Variants in PHYKPL observed in about 807,000 individuals in gnomAD.
PHYKPL encodes 5-phosphonooxy-L-lysine phospho-lyase.
In PHYKPL, 42 loss-of-function variants were observed where a neutral mutation model predicts 51.3. That is an observed-to-expected ratio of 0.82 (90% CI 0.64 to 1.06). PHYKPL has a LOEUF of 1.06. PHYKPL is among the 50% of genes least tolerant of loss of function. PHYKPL has a pLI of 0.00. For missense variants in PHYKPL, 655 were observed against 586.6 expected, an observed-to-expected ratio of 1.12 and a Z score of -1.20; for synonymous variants, 264 against 236.0, an observed-to-expected ratio of 1.12 and a Z score of -1.09.
rs537679078 is a variant in PHYKPL at position 178,231,046 on chromosome 5, T to C, written c.178+359A>G. The C allele has an allele frequency of 6.0e-4, 121 of 201,584 alleles. 1 individual carries two copies. Among genetic ancestry groups the C allele is most frequent in the African/African-American group, 2.7e-3 (115 of 43,228 alleles). 12.5% of individuals were successfully genotyped at this position (201,584 alleles called of 1,614,324 possible). A position where few individuals can be genotyped will look rare whatever the true frequency, so the allele number is the denominator to read the frequency against. ...TGACTGAATTCCTACTTCAGCTCCC[T>C]TGCCTAGCACCTGAGATGGCCAATG... On this transcript the variant is annotated intron_variant, in intron 2 of 12. Coordinates refer to ENST00000308158, the MANE Select transcript of PHYKPL (RefSeq NM_153373.4).
At chr5:178,213,212 C>T in intron 10 of PHYKPL, 109 bp from the exon 11 acceptor site, 1 of 1,412,068 alleles carries the variant, frequency 7.1e-7, no homozygotes, top group Non-Finnish European at 9.6e-7. Flanking sequence ...TTCCATGGGC[C>T]AGTTCCTGCC....
intron 12 of PHYKPL, chr5:178,210,078 G>C: frequency 1.2e-6 from 2 of 1,601,136 alleles, no homozygotes; most frequent in Non-Finnish European, 1.7e-6. Context: ...CTCCATCCTA[G>C]CTCCTGCGTA....
rs751099923 is a variant in PHYKPL, at chr5:178,225,338, C to T, written c.413+17G>A. 6.2e-7 allele frequency: 1 copy of T among 1,613,938 alleles called. No individual in the cohort carries two copies. Among genetic ancestry groups the T allele is most frequent in the Non-Finnish European group, 8.5e-7 (1 of 1,179,970 alleles). ...GGCCAGGCTTCTGGGAACGGTAGGGCTGTGAGTTGCACTTACTGATCTAAT... is the reference window on the plus strand; with the variant it reads ...GGCCAGGCTTCTGGGAACGGTAGGGTTGTGAGTTGCACTTACTGATCTAAT... On this transcript the variant is annotated intron_variant, in intron 4 of 12. Transcript: ENST00000308158.
intron 2 of PHYKPL, chr5:178,230,325 A>C (rs2127495461): frequency 5.5e-6 from 3 of 540,830 alleles, no homozygotes; most frequent in South Asian, 2.4e-5. Context: ...CAGCAGAAGA[A>C]CCCTGTCTAG....
intron 4 of PHYKPL, 63 bp downstream of exon 4, chr5:178,225,292 C>G: frequency 6.3e-7 from 1 of 1,588,362 alleles, no homozygotes; most frequent in Non-Finnish European, 8.6e-7. Context: ...GTCAGTCTCA[C>G]GGATCACCAA....
At chr5:178,228,180 G>C (rs1381087063) in intron 3 of PHYKPL, 1 of 267,500 alleles carries the variant, frequency 3.7e-6, no homozygotes, top group Non-Finnish European at 7.1e-6. Flanking sequence ...AATACCAAGA[G>C]AATGGAAGAG....
intron 12 of PHYKPL, chr5:178,210,820 C>G: frequency 1.7e-6 from 1 of 602,856 alleles, no homozygotes; most frequent in South Asian, 1.9e-5. Flanking sequence ...CGTGTGGTGT[C>G]TGAGAGGCCA....
intron 10 of PHYKPL, among the ~76,000 whole-genome samples, chr5:178,213,993 ACCATT>A (rs2113732862): frequency 6.6e-6 from 1 of 152,182 alleles, no homozygotes; most frequent in East Asian, 1.9e-4. Flanking sequence ...ATGCCACCTG[ACCATT>A]CCGAATCCCT....
At chr5:178,213,333 C>G (rs546965217) in intron 10 of PHYKPL, among the ~76,000 whole-genome samples, 1 of 152,226 alleles carries the variant, frequency 6.6e-6, no homozygotes, top group Non-Finnish European at 1.5e-5. Context: ...GAACAGGCAC[C>G]TTGCCTCACC....
rs763837709 is a variant in PHYKPL at position 178,224,720 on chromosome 5, G to A, written c.423C>T (p.His141=). 188 of 1,613,732 alleles carry A rather than the reference G, an allele frequency of 1.2e-4. No individual in the cohort carries two copies. The East Asian group carries it at 3.8e-3, about 33-fold the overall frequency. ...TGTCAATCAGGGAGCTCAGGTGGCC[G>A]TGATACGCACTGGGGAGGAGAAGGG... ...QDVVVLDHAY[H]GHLSSLIDIS... The change falls in exon 5 of 13, where the codon CAC becomes CAT. Residue 141 remains histidine, a synonymous_variant. Coordinates refer to ENST00000308158, the MANE Select transcript of PHYKPL (RefSeq NM_153373.4).
chr5:178,228,348 G>C (rs531803215), intron 3 of PHYKPL: 7 of 581,910 alleles, frequency 1.2e-5, no homozygotes, highest in Non-Finnish European at 2.1e-5. Context: ...GACCACTTCC[G>C]GAGAGTGGTA....
At chr5:178,214,920 G>C (rs371759235) in intron 9 of PHYKPL, 35 bp from the exon 10 acceptor site, 14 of 1,593,674 alleles carry the variant, frequency 8.8e-6, no homozygotes, top group African/African-American at 4.0e-5. Context: ...CAGGAGGCCA[G>C]GCCTGAGGGG....
chr5:178,230,039 G>A lies in PHYKPL; in HGVS notation c.239C>T (p.Thr80Ile). Reference protein sequence around the residue: ...AAHEQNQVLNTNSRYLHDNIV... With the variant: ...AAHEQNQVLNINSRYLHDNIV... ...GTTGTCATGCAGGTACCGGCTGTTG[G>A]TGTTGAGCACCTGGTTCTGCTCATG... The change falls in exon 3 of 13, where the codon ACC becomes ATC. Residue 80 changes from threonine (T) to isoleucine (I), a missense_variant. Physicochemically the swap from Thr to Ile is moderately conservative, Grantham distance 89 (BLOSUM62 -1). Coordinates refer to ENST00000308158, the MANE Select transcript of PHYKPL (RefSeq NM_153373.4). 1 of 1,614,190 alleles carries A rather than the reference G, an allele frequency of 6.2e-7. No homozygotes were observed. The highest frequency in any genetic ancestry group is 8.5e-7 in the Non-Finnish European group (1 of 1,180,046).
intron 6 of PHYKPL, chr5:178,223,685 C>T: frequency 5.7e-6 from 2 of 348,074 alleles, no homozygotes; most frequent in Non-Finnish European, 5.7e-6. Flanking sequence ...GCCCCACAGG[C>T]TGCCTTTCTT....
chr5:178,208,905 A>C lies in PHYKPL; in HGVS notation c.*42T>G, dbSNP rs1757297869. The C allele has an allele frequency of 6.3e-6, 1 of 157,860 alleles. No homozygotes were observed. The highest frequency in any genetic ancestry group is 2.4e-5 in the African/African-American group (1 of 41,530). 9.8% of individuals were successfully genotyped at this position (157,860 alleles called of 1,614,324 possible). On this transcript the variant is annotated 3_prime_UTR_variant, in exon 13 of 13. Coordinates refer to ENST00000308158, the MANE Select transcript of PHYKPL (RefSeq NM_153373.4). The stretch of plus-strand genomic sequence containing the variant: ...TCTCAATAGCGTGTATTTGGATGAG[A>C]TGAGTTTCTTCTGTAAAGAGAAAAA...
chr5:178,231,095 C>T (rs1224309365), intron 2 of PHYKPL, among the ~76,000 whole-genome samples: 2 of 152,214 alleles, frequency 1.3e-5, no homozygotes, highest in Admixed American at 6.5e-5. Context: ...GCCATGACCC[C>T]AGCACTTGGC....
chr5:178,215,720 C>A, intron 8 of PHYKPL: 3 of 381,260 alleles, frequency 7.9e-6, no homozygotes, highest in Non-Finnish European at 1.4e-5. Flanking sequence ...TTTGTTCCCA[C>A]AGGGCTAGTC....
chr5:178,224,448 C>T lies in PHYKPL; in HGVS notation c.618G>A (p.Lys206=), dbSNP rs746791371. The T allele has an allele frequency of 1.9e-6, 3 of 1,572,752 alleles. No homozygotes were observed. Among genetic ancestry groups the T allele is most frequent in the Non-Finnish European group, 2.6e-6 (3 of 1,157,470 alleles). Residue 206 remains lysine, a splice_region_variant and synonymous_variant, in exon 6 of 13, where the codon AAG becomes AAA. Transcript: ENST00000308158. The part of the protein sequence containing the change: ...VVSSAQEKGR[K]IAAFFAESLP... ...ATTGGACAGGCGCGGACACGGTTAC[C>T]TTCCTGCCCTTCTCCTGTGCACTGC...
At position 178,223,752 on chromosome 5, in the gene PHYKPL, C is replaced by T. The variant is rs531305701; in HGVS notation, c.618+696G>A. On this transcript the variant is annotated intron_variant, in intron 6 of 12. Coordinates refer to ENST00000308158, the MANE Select transcript of PHYKPL (RefSeq NM_153373.4). The stretch of plus-strand genomic sequence containing the variant: ...CCTTCAGTGAAGCCTTCAGAGAGCC[C>T]TCACCTGTCGCCAACAGTCTTCCCT... 4.8e-3 allele frequency: 1,579 copies of T among 328,054 alleles called. 22 individuals are homozygous for T. The highest frequency in any genetic ancestry group is 0.02 in the South Asian group (856 of 42,704). The allele number at this position is 328,054 out of a possible 1,614,324, so 20.3% of individuals were successfully genotyped here. A position where few individuals can be genotyped will look rare whatever the true frequency, so the allele number is the denominator to read the frequency against.
Sources: gnomAD v4.1 joint callset for allele counts (sites outside exome capture counted in the v4.1 genomes callset) on GRCh38, gnomAD v4.1.1 for gene constraint, MANE v1.5 for transcripts, NCBI Gene and HGNC (gene_info 2026-07-23, HGNC 2026-07-21) for gene names.